Variants in CSNK1G3 observed in about 807,000 individuals in gnomAD.
The protein encoded by CSNK1G3 is casein kinase 1 gamma 3.
A neutral mutation model predicts 64.3 loss-of-function variants in CSNK1G3; 23 were observed. The observed-to-expected ratio is 0.36, with a 90% confidence interval of 0.26 to 0.51. CSNK1G3 has a LOEUF of 0.51. CSNK1G3 is among the 20% of genes least tolerant of loss of function. The probability of loss-of-function intolerance (pLI) is 0.96; values close to 1 mark genes in which losing one functional copy is unlikely to be tolerated. For synonymous variants in CSNK1G3, 158 were observed against 162.2 expected (o/e 0.97, Z 0.20); for missense variants, 357 against 510.5 (o/e 0.70, Z 2.90).
intron 1 of CSNK1G3, among the ~76,000 whole-genome samples, chr5:123,540,181 G>T (rs992068814): frequency 6.6e-6 from 1 of 151,730 alleles, no homozygotes; most frequent in African/African-American, 2.4e-5. Flanking sequence ...GCTTTATCCA[G>T]TTTGCCACTG....
chr5:123,579,242 A>AT, intron 6 of CSNK1G3, among the ~76,000 whole-genome samples: 1 of 148,912 alleles, frequency 6.7e-6, no homozygotes, highest in East Asian at 2.0e-4. Flanking sequence ...GGCTTATGGT[A>AT]TTTTTTTCTT....
At chr5:123,608,299 T>A (rs58504362) in intron 12 of CSNK1G3, among the ~76,000 whole-genome samples, 13,469 of 152,252 alleles carry the variant, frequency 0.088, 652 homozygotes, top group South Asian at 0.12. Context: ...CTGAGAATAG[T>A]ATCTCATTGG....
At chr5:123,586,426 A>T (rs962427977) in intron 6 of CSNK1G3, among the ~76,000 whole-genome samples, 2 of 152,304 alleles carry the variant, frequency 1.3e-5, no homozygotes, top group Non-Finnish European at 1.5e-5. Flanking sequence ...AAAAGTTATA[A>T]CTAGTTTTTT....
At chr5:123,526,081 A>G (rs567975808) in intron 1 of CSNK1G3, among the ~76,000 whole-genome samples, 1 of 151,994 alleles carries the variant, frequency 6.6e-6, no homozygotes, top group South Asian at 2.1e-4. Flanking sequence ...TCTGTTGCCC[A>G]GGCTGGGGTG....
chr5:123,514,778 T>C (rs377594682), intron 1 of CSNK1G3, among the ~76,000 whole-genome samples: 19 of 152,114 alleles, frequency 1.2e-4, no homozygotes, highest in South Asian at 8.3e-4. Context: ...GATTGTGTTA[T>C]AGGGCTTGTT....
intron 1 of CSNK1G3, among the ~76,000 whole-genome samples, chr5:123,518,635 T>A (rs1056974644): frequency 4.7e-4 from 71 of 152,316 alleles, no homozygotes; most frequent in African/African-American, 1.7e-3. Flanking sequence ...TTGACCAGAA[T>A]TAGGTCACAT....
At chr5:123,600,443 G>A (rs550385382) in intron 10 of CSNK1G3, among the ~76,000 whole-genome samples, 16 of 151,948 alleles carry the variant, frequency 1.1e-4, no homozygotes, top group African/African-American at 3.6e-4. Flanking sequence ...TGGCCAACAC[G>A]GTGAAACCCC....
chr5:123,590,872 G>A (rs943248942), intron 9 of CSNK1G3, among the ~76,000 whole-genome samples: 1 of 152,016 alleles, frequency 6.6e-6, no homozygotes, highest in African/African-American at 2.4e-5. Context: ...ATCCCTTGAT[G>A]AAAATTAAAA....
chr5:123,605,514 C>T (rs762461963), intron 12 of CSNK1G3, 152 bp downstream of exon 13: 8 of 826,398 alleles, frequency 9.7e-6, no homozygotes, highest in Admixed American at 3.3e-5. Flanking sequence ...ATTAAGATAG[C>T]TCTGAAAAGC....
At chr5:123,561,161 G>A (rs776937431) in intron 4 of CSNK1G3, among the ~76,000 whole-genome samples, 4 of 152,122 alleles carry the variant, frequency 2.6e-5, no homozygotes, top group South Asian at 2.1e-4. Flanking sequence ...ATTTAGCTTT[G>A]CATAGGATTA....
intron 10 of CSNK1G3, among the ~76,000 whole-genome samples, chr5:123,592,992 T>G (rs1303950143): frequency 6.6e-6 from 1 of 151,954 alleles, no homozygotes; most frequent in African/African-American, 2.4e-5. Flanking sequence ...ACGGTATTCT[T>G]TGAAATTCTC....
intron 1 of CSNK1G3, among the ~76,000 whole-genome samples, chr5:123,517,435 G>C (rs1777367279): frequency 1.3e-5 from 2 of 151,912 alleles, no homozygotes; most frequent in South Asian, 2.1e-4. Flanking sequence ...GTTTGTATGA[G>C]AACCAATTGG....
intron 1 of CSNK1G3, among the ~76,000 whole-genome samples, chr5:123,528,814 C>A (rs899043808): frequency 1.3e-5 from 2 of 152,076 alleles, no homozygotes; most frequent in Non-Finnish European, 1.5e-5. Context: ...TCATAGATTC[C>A]ATATTTGTAA....
exon 5 of CSNK1G3, chr5:123,573,395 G>C: frequency 6.2e-7 from 1 of 1,613,468 alleles, no homozygotes; most frequent in Non-Finnish European, 8.5e-7. Context: ...TCCCCCAGAT[G>C]GTATACCTCA....
At chr5:123,566,095 G>A (rs749289487) in intron 4 of CSNK1G3, among the ~76,000 whole-genome samples, 3 of 152,142 alleles carry the variant, frequency 2.0e-5, no homozygotes, top group Non-Finnish European at 2.9e-5. Flanking sequence ...ATACTTACCT[G>A]TAAGGAACTG....
chr5:123,605,267 C>T (rs1210484928), intron 11 of CSNK1G3, 72 bp from the exon 13 acceptor site: 1 of 1,339,444 alleles, frequency 7.5e-7, no homozygotes, highest in Non-Finnish European at 1.0e-6. Context: ...GTGATAATTT[C>T]AATGTGAGCT....
At chr5:123,608,878 A>G (rs1330656214) in intron 12 of CSNK1G3, among the ~76,000 whole-genome samples, 2 of 152,194 alleles carry the variant, frequency 1.3e-5, no homozygotes, top group Non-Finnish European at 2.9e-5. Context: ...AAAGTATTAC[A>G]TGATTAGCAC....
At chr5:123,590,863 TC>T (rs1792210011) in intron 9 of CSNK1G3, among the ~76,000 whole-genome samples, 1 of 152,028 alleles carries the variant, frequency 6.6e-6, no homozygotes, top group Admixed American at 6.6e-5. Context: ...AATACTTCAA[TC>T]CCTTGATGAA....
At chr5:123,567,458 T>A (rs1412123996) in intron 4 of CSNK1G3, among the ~76,000 whole-genome samples, 1 of 151,916 alleles carries the variant, frequency 6.6e-6, no homozygotes, top group South Asian at 2.1e-4. Flanking sequence ...ATAAAAAGAT[T>A]AGCTGGGCGT....
Sources: gnomAD v4.1 joint callset for allele counts (sites outside exome capture counted in the v4.1 genomes callset) on GRCh38, gnomAD v4.1.1 for gene constraint, MANE v1.5 for transcripts, NCBI Gene and HGNC (gene_info 2026-07-23, HGNC 2026-07-21) for gene names.